The following MGST1 variants were observed in gnomAD, a reference collection of about 807,000 sequenced individuals.
MGST1 encodes the protein glutathione S-transferase 12.
MGST1 carries 5 observed loss-of-function variants against 8.9 expected under a neutral mutation model. The ratio of observed to expected loss-of-function variants is 0.56; its 90% confidence interval spans 0.29 to 1.19. The LOEUF (loss-of-function observed/expected upper bound fraction) is 1.19. Ranked by LOEUF, MGST1 falls within the 50% of genes most tolerant of loss-of-function variation. The pLI is 0.08. For missense variants in MGST1, 182 were observed against 187.4 expected (o/e 0.97, Z 0.17); for synonymous variants, 54 against 67.8 (o/e 0.80, Z 1.00).
At chr12:16,525,764 T>G (rs1034442178) in intron 4 of MGST1, among the ~76,000 whole-genome samples, 2 of 150,514 alleles carry the variant, frequency 1.3e-5, no homozygotes, top group African/African-American at 4.9e-5. Flanking sequence ...CCACCAACAG[T>G]GTAAAAGTGT....
At chr12:16,536,250 G>A (rs890534241) in intron 4 of MGST1, among the ~76,000 whole-genome samples, 1 of 152,114 alleles carries the variant, frequency 6.6e-6, no homozygotes, top group South Asian at 2.1e-4. Flanking sequence ...TTTATACGCT[G>A]ACTTTGAAGC....
upstream of MGST1, among the ~76,000 whole-genome samples, chr12:16,382,523 C>T (rs57086502): frequency 1.3e-5 from 2 of 152,132 alleles, no homozygotes; most frequent in African/African-American, 4.8e-5. Context: ...GAGTACCCGG[C>T]CGTGTGAGGT....
chr12:16,440,965 A>G (rs934703186), downstream of MGST1, among the ~76,000 whole-genome samples: 1 of 151,910 alleles, frequency 6.6e-6, no homozygotes, highest in Admixed American at 6.6e-5. Flanking sequence ...TTCTTTAATA[A>G]ATAATAATGT....
chr12:16,459,833 A>G (rs1003332292), intron 4 of MGST1, among the ~76,000 whole-genome samples: 10 of 152,058 alleles, frequency 6.6e-5, no homozygotes, highest in Non-Finnish European at 1.3e-4. Context: ...TATGGCCTGG[A>G]TTGCATGTCT....
chr12:16,569,458 T>C (rs1259493456), intron 4 of MGST1, among the ~76,000 whole-genome samples: 1 of 152,186 alleles, frequency 6.6e-6, no homozygotes, highest in African/African-American at 2.4e-5. Context: ...CATTATACTT[T>C]CCCTTTCAAC....
intron 1 of MGST1, among the ~76,000 whole-genome samples, chr12:16,415,444 T>C (rs1940779877): frequency 6.6e-6 from 1 of 152,162 alleles, no homozygotes; most frequent in African/African-American, 2.4e-5. Context: ...TATTTTGCCT[T>C]TGCCACCCCT....
At chr12:16,402,387 G>A (rs984408312) in intron 1 of MGST1, 20 of 1,604,462 alleles carry the variant, frequency 1.2e-5, no homozygotes, top group Admixed American at 5.0e-5. Context: ...TTCACTCACC[G>A]ATAATAAGCG....
chr12:16,434,773 T>C (rs919259806), intron 1 of MGST1, among the ~76,000 whole-genome samples: 2 of 152,040 alleles, frequency 1.3e-5, no homozygotes, highest in Non-Finnish European at 2.9e-5. Context: ...TTCTAAGAAC[T>C]CTTAGAGTAA....
intron 1 of MGST1, among the ~76,000 whole-genome samples, chr12:16,430,907 T>C (rs1300786074): frequency 1.3e-5 from 2 of 152,190 alleles, no homozygotes; most frequent in Admixed American, 6.5e-5. Context: ...GATGGCACCA[T>C]CTTCCAACAG....
intron 1 of MGST1, among the ~76,000 whole-genome samples, chr12:16,424,929 C>T (rs1809794257): frequency 6.6e-6 from 1 of 152,136 alleles, no homozygotes. Context: ...GCTTCTTCAC[C>T]TATGCACATG....
intron 4 of MGST1, among the ~76,000 whole-genome samples, chr12:16,569,497 A>G (rs1942735062): frequency 6.6e-6 from 1 of 152,080 alleles, no homozygotes; most frequent in Non-Finnish European, 1.5e-5. Context: ...TCTCATACCC[A>G]TTTTCCAAAG....
At chr12:16,436,725 A>G (rs1940990911) in intron 1 of MGST1, among the ~76,000 whole-genome samples, 2 of 152,002 alleles carry the variant, frequency 1.3e-5, no homozygotes, top group South Asian at 4.1e-4. Context: ...CGCTATCATG[A>G]TGCCAATAGT....
intron 2 of MGST1, among the ~76,000 whole-genome samples, chr12:16,355,204 CTT>C (rs5796668): frequency 1.8e-4 from 22 of 125,178 alleles, no homozygotes; most frequent in African/African-American, 4.6e-4. Context: ...TTCCTTGTTA[CTT>C]TTTTTTTTTT....
intron 4 of MGST1, among the ~76,000 whole-genome samples, chr12:16,468,528 A>G (rs1307927277): frequency 1.3e-5 from 2 of 152,202 alleles, no homozygotes; most frequent in Non-Finnish European, 2.9e-5. Context: ...AACACCAGAT[A>G]TAGTACATTA....
intron 1 of MGST1, among the ~76,000 whole-genome samples, chr12:16,385,398 C>T (rs750745362): frequency 4.6e-5 from 7 of 151,722 alleles, no homozygotes; most frequent in African/African-American, 1.7e-4. Flanking sequence ...TTACATCAAT[C>T]ACATGATTTC....
downstream of MGST1, among the ~76,000 whole-genome samples, chr12:16,442,023 G>C (rs912038485): frequency 6.6e-6 from 1 of 151,730 alleles, no homozygotes; most frequent in Non-Finnish European, 1.5e-5. The surrounding 1 kb of genome is among the most constrained non-coding windows in gnomAD (Gnocchi z 4.5). Context: ...GTGTGTGGTG[G>C]TATTTCATTG....
chr12:16,555,295 T>A lies in MGST1; in HGVS notation n.483-34233T>A, dbSNP rs1942153693. Among the ~76,000 whole-genome samples the A allele has an allele frequency of 6.6e-6, 1 of 152,210 alleles. No homozygotes were observed. On this transcript the variant is annotated intron_variant and non_coding_transcript_variant, in intron 4 of 4. Coordinates refer to the MGST1 transcript ENST00000538857. This position sits in a 1 kb window ranked among gnomAD's most constrained non-coding sequence, Gnocchi z 5.5. ...TGAGTTCCCATTGCCTCCATCAACA[T>A]CTTCTGACCATGTAAATTTGCTTAT...
At chr12:16,353,916 C>T (rs1016459960) in intron 1 of MGST1, among the ~76,000 whole-genome samples, 3 of 151,862 alleles carry the variant, frequency 2.0e-5, no homozygotes, top group Admixed American at 1.3e-4. Flanking sequence ...CACGCCACTG[C>T]GTCTGGCTAA....
At chr12:16,454,136 AGAGCTAG>A (rs1201462258) in intron 4 of MGST1, among the ~76,000 whole-genome samples, 21 of 152,086 alleles carry the variant, frequency 1.4e-4, no homozygotes, top group Admixed American at 1.2e-3. Flanking sequence ...AGCCAGTGGC[AGAGCTAG>A]GACTGGGATT....
Sources: allele counts gnomAD v4.1 joint callset (sites outside exome capture counted in the v4.1 genomes callset), GRCh38; gene constraint gnomAD v4.1.1; non-coding constraint Gnocchi (gnomAD v3.1); transcripts MANE v1.5; gene names NCBI Gene and HGNC (gene_info 2026-07-23, HGNC 2026-07-21).